NALF1: variants seen among roughly 807,000 people sequenced by gnomAD.
NALF1 encodes the protein NALCN channel auxiliary factor 1, also known as family with sequence similarity 155 member A.
Under a neutral mutation model 48.4 loss-of-function variants are expected in NALF1, and 3 were observed. The ratio of observed to expected loss-of-function variants is 0.06; its 90% confidence interval spans 0.03 to 0.16. The LOEUF (loss-of-function observed/expected upper bound fraction) is 0.16, where lower values mean the gene tolerates loss of function less well. Among genes scored for constraint, NALF1 ranks in the 10% least tolerant of loss-of-function variants. The pLI is 1.00. For synonymous variants in NALF1, 262 were observed against 245.7 expected (o/e 1.07, Z -0.62); for missense variants, 526 against 571.5 (o/e 0.92, Z 0.81).
chr13:107,613,779 G>A (rs1879303675), intron 1 of NALF1, among the ~76,000 whole-genome samples: 1 of 152,116 alleles, frequency 6.6e-6, no homozygotes, highest in South Asian at 2.1e-4. Context: ...ACTGGAATAG[G>A]TTTTCTTGGA....
At chr13:107,554,178 C>T (rs1028442093) in intron 1 of NALF1, among the ~76,000 whole-genome samples, 2 of 152,166 alleles carry the variant, frequency 1.3e-5, no homozygotes, top group East Asian at 1.9e-4. Context: ...AGCCCGGAGC[C>T]GAACTCGAGG....
At chr13:107,249,020 T>TA (rs5806639) in intron 1 of NALF1, among the ~76,000 whole-genome samples, 2 of 151,172 alleles carry the variant, frequency 1.3e-5, no homozygotes, top group African/African-American at 2.4e-5. Context: ...AAACATGTAC[T>TA]AAAAAAAACA....
chr13:107,855,201 T>TTTTACAG (rs1223748604), intron 1 of NALF1, among the ~76,000 whole-genome samples: 3 of 152,150 alleles, frequency 2.0e-5, no homozygotes, highest in Non-Finnish European at 4.4e-5. Flanking sequence ...TTACAGGAAC[T>TTTTACAG]GGTGAAAGCA....
At chr13:107,376,705 G>A (rs1883346053) in intron 1 of NALF1, among the ~76,000 whole-genome samples, 1 of 152,140 alleles carries the variant, frequency 6.6e-6, no homozygotes, top group African/African-American at 2.4e-5. Context: ...AATTCATCAA[G>A]TGTTTCAACA....
chr13:107,376,182 C>T (rs1265331855), intron 1 of NALF1, among the ~76,000 whole-genome samples: 1 of 152,122 alleles, frequency 6.6e-6, no homozygotes, highest in South Asian at 2.1e-4. Flanking sequence ...CCCTTTCCTG[C>T]CATCCAACCC....
chr13:107,592,253 AAGATGGAATACTGGCAAAACT>A (rs1347055174), intron 1 of NALF1, among the ~76,000 whole-genome samples: 2 of 151,962 alleles, frequency 1.3e-5, no homozygotes, highest in African/African-American at 4.8e-5. Context: ...TAGGAAAGAA[AAGATGGAATACTGGCAAAACT>A]AGTTAAACTT....
intron 1 of NALF1, among the ~76,000 whole-genome samples, chr13:107,773,981 C>A (rs978504211): frequency 1.3e-5 from 2 of 151,104 alleles, no homozygotes; most frequent in Non-Finnish European, 3.0e-5. Context: ...AGATAGATTT[C>A]CCCCTTAAAT....
chr13:107,244,276 T>TAAAGATACGGCGACCA, intron 1 of NALF1, among the ~76,000 whole-genome samples: 1 of 152,208 alleles, frequency 6.6e-6, no homozygotes, highest in East Asian at 1.9e-4. Context: ...CTTGTCATTT[T>TAAAGATACGGCGACCA]CTGATGGTCT....
chr13:107,554,847 G>GA (rs1877409696), intron 1 of NALF1, among the ~76,000 whole-genome samples: 1 of 152,104 alleles, frequency 6.6e-6, no homozygotes. Flanking sequence ...GGTCTCTGCA[G>GA]AATTCACAAG....
intron 1 of NALF1, among the ~76,000 whole-genome samples, chr13:107,742,322 G>A (rs1262122003): frequency 1.3e-5 from 2 of 152,156 alleles, no homozygotes. Flanking sequence ...GTTCAAGTTT[G>A]TTATGGTTTG....
intron 1 of NALF1, among the ~76,000 whole-genome samples, chr13:107,237,666 C>G (rs1252793282): frequency 1.3e-5 from 2 of 152,142 alleles, no homozygotes; most frequent in Admixed American, 1.3e-4. Flanking sequence ...ACATGTTCAG[C>G]ACAAATGCAA....
At chr13:107,813,317 G>A (rs993367594) in intron 1 of NALF1, among the ~76,000 whole-genome samples, 2 of 152,158 alleles carry the variant, frequency 1.3e-5, no homozygotes, top group African/African-American at 4.8e-5. Context: ...TATAGGTCTT[G>A]AAGGTGACTG....
At chr13:107,452,596 A>C (rs1301209535) in intron 1 of NALF1, among the ~76,000 whole-genome samples, 1 of 152,158 alleles carries the variant, frequency 6.6e-6, no homozygotes, top group Non-Finnish European at 1.5e-5. Flanking sequence ...ATTCAAGATG[A>C]GACTTGGGCG....
chr13:107,825,341 G>A (rs144421616), intron 1 of NALF1, among the ~76,000 whole-genome samples: 1,908 of 152,256 alleles, frequency 0.013, 17 homozygotes, highest in Non-Finnish European at 0.021. Flanking sequence ...TAACCTAAAT[G>A]AATAATGCTA....
chr13:107,508,274 TCTAAA>T (rs746941397), intron 1 of NALF1, among the ~76,000 whole-genome samples: 27 of 151,910 alleles, frequency 1.8e-4, no homozygotes, highest in Non-Finnish European at 3.1e-4. Flanking sequence ...TCATAAATGC[TCTAAA>T]CTAATGCATA....
At chr13:107,636,900 T>C (rs1421962115) in intron 1 of NALF1, among the ~76,000 whole-genome samples, 1 of 149,632 alleles carries the variant, frequency 6.7e-6, no homozygotes, top group Admixed American at 6.7e-5. Flanking sequence ...TATTATATTA[T>C]ATTATATTAT....
intron 1 of NALF1, among the ~76,000 whole-genome samples, chr13:107,793,842 A>G (rs940588909): frequency 6.6e-6 from 1 of 151,610 alleles, no homozygotes; most frequent in African/African-American, 2.4e-5. Flanking sequence ...TGAATCACTA[A>G]AAGTTTTTTT....
chr13:107,375,602 A>G (rs1229205138), intron 1 of NALF1, among the ~76,000 whole-genome samples: 1 of 152,142 alleles, frequency 6.6e-6, no homozygotes, highest in Non-Finnish European at 1.5e-5. Flanking sequence ...AATAATAGGT[A>G]TATAAGGAAA....
chr13:107,791,787 C>CT (rs1178903901), intron 1 of NALF1, among the ~76,000 whole-genome samples: 1 of 151,834 alleles, frequency 6.6e-6, no homozygotes, highest in Admixed American at 6.6e-5. Context: ...CCGCCCCCCC[C>CT]CGTCTCTACT....
Sources: gnomAD v4.1 joint callset for allele counts (sites outside exome capture counted in the v4.1 genomes callset) on GRCh38, gnomAD v4.1.1 for gene constraint, MANE v1.5 for transcripts, NCBI Gene and HGNC (gene_info 2026-07-23, HGNC 2026-07-21) for gene names.